GOLIM4: variants seen among roughly 807,000 people sequenced by gnomAD.
The protein encoded by GOLIM4 is golgi integral membrane protein 4.
A neutral mutation model predicts 107.4 loss-of-function variants in GOLIM4; 71 were observed. That is an observed-to-expected ratio of 0.66 (90% CI 0.55 to 0.81). GOLIM4 has a LOEUF of 0.81. Among genes scored for constraint, GOLIM4 ranks in the 30% least tolerant of loss-of-function variants. GOLIM4 has a pLI of 0.00. For synonymous variants in GOLIM4, 327 were observed against 294.8 expected (o/e 1.11, Z -1.12); for missense variants, 830 against 826.1 (o/e 1.00, Z -0.06).
chr3:168,092,044 C>G (rs900719174), intron 1 of GOLIM4, among the ~76,000 whole-genome samples: 1 of 152,160 alleles, frequency 6.6e-6, no homozygotes, highest in African/African-American at 2.4e-5. Context: ...GGTTCCACCC[C>G]CCATAGACTG....
chr3:168,065,847 T>C (rs1720518936), intron 1 of GOLIM4, among the ~76,000 whole-genome samples: 1 of 152,202 alleles, frequency 6.6e-6, no homozygotes, highest in Non-Finnish European at 1.5e-5. Flanking sequence ...AGAGATCTGG[T>C]TTAATTTTTA....
At chr3:168,089,610 C>T (rs1306763949) in intron 1 of GOLIM4, among the ~76,000 whole-genome samples, 1 of 152,154 alleles carries the variant, frequency 6.6e-6, no homozygotes, top group Admixed American at 6.6e-5. Flanking sequence ...AGTGCTCTGA[C>T]GCCTCAGCCT....
intron 1 of GOLIM4, among the ~76,000 whole-genome samples, chr3:168,091,685 C>T (rs1464717952): frequency 1.3e-5 from 2 of 152,280 alleles, no homozygotes; most frequent in South Asian, 4.1e-4. Context: ...TAACTTTTAA[C>T]GAGCAGTACC....
At chr3:168,012,433 G>A (rs2108205112) in intron 14 of GOLIM4, among the ~76,000 whole-genome samples, 1 of 147,252 alleles carries the variant, frequency 6.8e-6, no homozygotes, top group South Asian at 2.1e-4. Flanking sequence ...TGAAAGTGAT[G>A]GGGAGAATGG....
intron 1 of GOLIM4, among the ~76,000 whole-genome samples, chr3:168,059,553 T>C (rs1720148144): frequency 6.6e-6 from 1 of 152,210 alleles, no homozygotes; most frequent in Non-Finnish European, 1.5e-5. Flanking sequence ...ATTGGGCCCC[T>C]ACTATATGCC....
chr3:168,076,125 C>A (rs1271548975), intron 1 of GOLIM4, among the ~76,000 whole-genome samples: 1 of 152,176 alleles, frequency 6.6e-6, no homozygotes, highest in East Asian at 1.9e-4. Context: ...TTTCCACAAC[C>A]TTTTCCCAAA....
In GOLIM4 at chr3:168,010,430, A is replaced by C; in HGVS notation, c.1942-12T>G. ...TTTTTATCATCAGTCTTAAAATTAA[A>C]AGAAAAAAGAAAAACTAAGAGATAG... is the stretch of plus-strand genomic sequence containing the variant. On this transcript the variant is annotated splice_polypyrimidine_tract_variant and intron_variant, in intron 15 of 15. Coordinates refer to ENST00000470487, the MANE Select transcript of GOLIM4 (RefSeq NM_014498.5). 3 of 1,535,488 alleles carry C rather than the reference A, an allele frequency of 2.0e-6. No individual in the cohort carries two copies. The highest frequency in any genetic ancestry group is 2.7e-6 in the Non-Finnish European group (3 of 1,115,226).
chr3:168,076,596 C>T (rs956314466), intron 1 of GOLIM4, among the ~76,000 whole-genome samples: 1 of 152,120 alleles, frequency 6.6e-6, no homozygotes, highest in Admixed American at 6.5e-5. Context: ...GAGGCTGAGG[C>T]AGAAGAATTG....
chr3:168,022,239 T>G (rs1717736091), intron 14 of GOLIM4, among the ~76,000 whole-genome samples: 1 of 151,850 alleles, frequency 6.6e-6, no homozygotes, highest in Admixed American at 6.6e-5. Context: ...AATAAGTTTG[T>G]GCGCTGGAGA....
rs151147476 is a variant in GOLIM4, at chr3:168,025,568, G to A, written c.1624-473C>T. 5.0e-3 allele frequency among the ~76,000 whole-genome samples: 764 copies of A among 152,262 alleles called. 5 individuals carry two copies. Among genetic ancestry groups the A allele is most frequent in the African/African-American group, 0.018 (741 of 41,536 alleles). On this transcript the variant is annotated intron_variant, in intron 12 of 15. Transcript: ENST00000470487. ...GTGAAAAGTTGTTGATGGGAAAGAA[G>A]GCCCATACCAGAAAGGACCCATAAA...
chr3:168,048,755 C>A (rs1164711841), intron 1 of GOLIM4, among the ~76,000 whole-genome samples: 1 of 152,228 alleles, frequency 6.6e-6, no homozygotes, highest in East Asian at 1.9e-4. Flanking sequence ...TACACTTCCA[C>A]CTCTGGCTTC....
chr3:168,051,698 G>C (rs918925317), intron 1 of GOLIM4, among the ~76,000 whole-genome samples: 2 of 152,304 alleles, frequency 1.3e-5, no homozygotes, highest in African/African-American at 4.8e-5. Context: ...ATCTTACTCA[G>C]AACTGGACAA....
chr3:168,050,487 G>A (rs1221520981), intron 1 of GOLIM4, among the ~76,000 whole-genome samples: 1 of 152,012 alleles, frequency 6.6e-6, no homozygotes, highest in African/African-American at 2.4e-5. Flanking sequence ...ACTGAGGTGG[G>A]GGAAACATAT....
In GOLIM4 at chr3:168,048,162, C is replaced by T. The variant is rs114434157; in HGVS notation, c.262+129G>A. On this transcript the variant is annotated intron_variant, in intron 2 of 15. Transcript: ENST00000470487. The stretch of plus-strand genomic sequence containing the variant: ...AATATATTACTTGACATGTCTTTCT[C>T]TGTCCACCTATCTGACTTTGGGTTG... 3,588 of 662,662 alleles carry T rather than the reference C, an allele frequency of 5.4e-3. 103 individuals carry two copies. In the African/African-American group the frequency reaches 0.059, roughly 11 times the overall value. 41.0% of individuals were successfully genotyped at this position (662,662 alleles called of 1,614,324 possible). A position where few individuals can be genotyped will look rare whatever the true frequency, so the allele number is the denominator to read the frequency against.
rs372313105 is a variant in GOLIM4, at chr3:168,055,781, G to A, written c.188-7416C>T. Among the ~76,000 whole-genome samples, 193 of 138,504 alleles carry A rather than the reference G, an allele frequency of 1.4e-3. 1 individual carries two copies. Among genetic ancestry groups the A allele is most frequent in the East Asian group, 0.013 (67 of 4,974 alleles). The allele number at this position is 138,504 out of a possible 152,430, so 90.9% of individuals were successfully genotyped here. On this transcript the variant is annotated intron_variant, in intron 1 of 15. Transcript: ENST00000470487. ...CATGCCACTGCACTCCAGCCTGGGC[G>A]ACAGAGCAAGACTCTGTCTCAAAAA...
chr3:168,091,903 G>A (rs928477548), intron 1 of GOLIM4, among the ~76,000 whole-genome samples: 1 of 152,178 alleles, frequency 6.6e-6, no homozygotes, highest in Non-Finnish European at 1.5e-5. Context: ...AAATTCAAGT[G>A]TCTCTGGGGC....
At chr3:168,011,728 C>G (rs1435509634) in intron 14 of GOLIM4, among the ~76,000 whole-genome samples, 1 of 136,318 alleles carries the variant, frequency 7.3e-6, no homozygotes, top group South Asian at 2.1e-4. Context: ...TCAAGTGGGT[C>G]CCTGACCCCT....
intron 1 of GOLIM4, among the ~76,000 whole-genome samples, chr3:168,066,328 C>G (rs1464525): frequency 0.53 from 81,113 of 151,966 alleles, 22,803 homozygotes; most frequent in African/African-American, 0.65. Context: ...ATAGTAATTT[C>G]AACATGAGTA....
chr3:168,032,894 C>A, intron 8 of GOLIM4, 42 bp from the exon 9 acceptor site: 1 of 1,423,252 alleles, frequency 7.0e-7, no homozygotes. Context: ...CTTCCAATTT[C>A]AAAAGTAATG....
Sources: gnomAD v4.1 joint callset for allele counts (sites outside exome capture counted in the v4.1 genomes callset) on GRCh38, gnomAD v4.1.1 for gene constraint, MANE v1.5 for transcripts, NCBI Gene and HGNC (gene_info 2026-07-23, HGNC 2026-07-21) for gene names.